CPQ: variants seen among roughly 807,000 people sequenced by gnomAD.
CPQ encodes the protein Ser-Met dipeptidase.
Under a neutral mutation model 45.7 loss-of-function variants are expected in CPQ, and 37 were observed. That is an observed-to-expected ratio of 0.81 (90% CI 0.62 to 1.07). The LOEUF is 1.07. Among genes scored for constraint, CPQ ranks in the 50% least tolerant of loss-of-function variants. The pLI is 0.00. For synonymous variants in CPQ, 186 were observed against 205.8 expected, an observed-to-expected ratio of 0.90 and a Z score of 0.82; for missense variants, 537 against 572.9, an observed-to-expected ratio of 0.94 and a Z score of 0.64.
chr8:96,813,485 T>C (rs904844960), intron 2 of CPQ, among the ~76,000 whole-genome samples: 4 of 152,176 alleles, frequency 2.6e-5, no homozygotes, highest in Admixed American at 6.6e-5. Flanking sequence ...ACTTTACTTA[T>C]AGATCAGAAC....
intron 7 of CPQ, among the ~76,000 whole-genome samples, chr8:97,138,029 C>T (rs1006980492): frequency 5.9e-5 from 9 of 152,208 alleles, no homozygotes; most frequent in African/African-American, 1.2e-4. Context: ...TACTCACCTT[C>T]GTAGTTGTTC....
intron 3 of CPQ, among the ~76,000 whole-genome samples, chr8:96,874,953 T>C (rs1812125946): frequency 1.3e-5 from 2 of 151,900 alleles, no homozygotes; most frequent in African/African-American, 4.8e-5. Context: ...TCACATGCAA[T>C]GTACAAGGAT....
intron 4 of CPQ, among the ~76,000 whole-genome samples, chr8:96,939,244 A>G (rs757775429): frequency 3.9e-5 from 6 of 152,212 alleles, no homozygotes; most frequent in Non-Finnish European, 8.8e-5. Context: ...CCTAAGGAGC[A>G]TGCATGTGCA....
At chr8:97,112,850 T>A (rs1227781023) in intron 7 of CPQ, among the ~76,000 whole-genome samples, 1 of 152,164 alleles carries the variant, frequency 6.6e-6, no homozygotes, top group Non-Finnish European at 1.5e-5. Context: ...GGGGCTCTGG[T>A]TTCAGGCTTG....
rs551441429 is a variant in CPQ at position 97,003,784 on chromosome 8, G to A, written c.962-25619G>A. Among the ~76,000 whole-genome samples the A allele has an allele frequency of 5.8e-4, 89 of 152,244 alleles. 1 individual carries two copies. In the South Asian group the frequency reaches 0.018, roughly 30 times the overall value. On this transcript the variant is annotated intron_variant, in intron 5 of 7. Transcript: ENST00000220763. ...CAAGGAAGGGGGGATAATTATCATT[G>A]CTTGTGGTAGGTGAGGCAGGATGGT...
chr8:97,003,114 A>C (rs1282557010), intron 5 of CPQ, among the ~76,000 whole-genome samples: 1 of 151,874 alleles, frequency 6.6e-6, no homozygotes, highest in Non-Finnish European at 1.5e-5. Context: ...TATTTGGTAG[A>C]TTTTCCTCCA....
chr8:96,858,640 TC>T (rs1563514698), intron 3 of CPQ, among the ~76,000 whole-genome samples: 2 of 152,166 alleles, frequency 1.3e-5, no homozygotes, highest in Admixed American at 6.5e-5. Context: ...CTCACTAATT[TC>T]CCACATATTG....
At chr8:97,072,872 A>G (rs756813089) in intron 7 of CPQ, among the ~76,000 whole-genome samples, 1 of 152,148 alleles carries the variant, frequency 6.6e-6, no homozygotes, top group Non-Finnish European at 1.5e-5. Flanking sequence ...ATTGTGATCA[A>G]TTGTGAATTC....
chr8:96,855,080 G>C (rs936960036), intron 3 of CPQ, among the ~76,000 whole-genome samples: 1 of 152,126 alleles, frequency 6.6e-6, no homozygotes. Flanking sequence ...CTCTTCCTTG[G>C]GGAGGGTCAG....
intron 4 of CPQ, among the ~76,000 whole-genome samples, chr8:96,887,411 TGGGC>T (rs1218518788): frequency 2.0e-5 from 3 of 152,182 alleles, no homozygotes; most frequent in Non-Finnish European, 2.9e-5. Flanking sequence ...GGCTGTCTTG[TGGGC>T]ATCTCTGTGT....
At chr8:96,826,450 C>T (rs1265447841) in intron 2 of CPQ, among the ~76,000 whole-genome samples, 1 of 151,872 alleles carries the variant, frequency 6.6e-6, no homozygotes, top group Non-Finnish European at 1.5e-5. Context: ...TTCACAAAAA[C>T]CAAGCTTTAA....
chr8:96,713,679 T>G (rs566863128), intron 1 of CPQ, among the ~76,000 whole-genome samples: 3 of 152,152 alleles, frequency 2.0e-5, no homozygotes, highest in Non-Finnish European at 4.4e-5. Flanking sequence ...ATGGGGATTA[T>G]GGGAACTACA....
chr8:96,754,229 G>T (rs966269663), intron 1 of CPQ, among the ~76,000 whole-genome samples: 12 of 152,012 alleles, frequency 7.9e-5, no homozygotes, highest in African/African-American at 2.9e-4. Flanking sequence ...TGGTTCCGTG[G>T]TCAAATACAC....
rs182138986 is a variant in CPQ, at chr8:96,772,067, G to A, written c.-34-12797G>A. On this transcript the variant is annotated intron_variant, in intron 1 of 7. Coordinates refer to ENST00000220763, the MANE Select transcript of CPQ (RefSeq NM_016134.4). Reference sequence around the variant, plus strand: ...GTAGGGTATATCTTGAATGCTGTGGGGTTTGAACAAAGGAGGAAAAAATGA... The same window carrying A: ...GTAGGGTATATCTTGAATGCTGTGGAGTTTGAACAAAGGAGGAAAAAATGA... 2.6e-5 allele frequency among the ~76,000 whole-genome samples: 4 copies of A among 152,174 alleles called. No homozygotes were observed. In the East Asian group the frequency reaches 7.7e-4, roughly 29 times the overall value.
intron 4 of CPQ, among the ~76,000 whole-genome samples, chr8:96,917,371 C>T (rs1268326453): frequency 6.6e-6 from 1 of 152,088 alleles, no homozygotes; most frequent in Non-Finnish European, 1.5e-5. Context: ...ATTGTTACAG[C>T]CTTGGCCATG....
intron 3 of CPQ, among the ~76,000 whole-genome samples, chr8:96,858,379 C>G (rs1270337777): frequency 6.6e-6 from 1 of 152,166 alleles, no homozygotes; most frequent in Non-Finnish European, 1.5e-5. Context: ...AATCTTCTAC[C>G]TACTTTGAGT....
intron 7 of CPQ, among the ~76,000 whole-genome samples, chr8:97,098,339 T>C (rs901831279): frequency 2.6e-5 from 4 of 152,156 alleles, no homozygotes; most frequent in African/African-American, 9.7e-5. Flanking sequence ...TGGGGTCCTC[T>C]ACTACTGTGG....
chr8:97,073,403 G>A (rs911436223), intron 7 of CPQ, among the ~76,000 whole-genome samples: 1 of 152,178 alleles, frequency 6.6e-6, no homozygotes, highest in Non-Finnish European at 1.5e-5. Context: ...ATGGAATAGC[G>A]CAGCCCAGCG....
At chr8:97,130,465 G>A (rs1324225964) in intron 7 of CPQ, among the ~76,000 whole-genome samples, 2 of 135,224 alleles carry the variant, frequency 1.5e-5, no homozygotes, top group Non-Finnish European at 3.1e-5. Flanking sequence ...GTAAATTGCA[G>A]TTTATCTCAC....
Sources: gnomAD v4.1 joint callset for allele counts (sites outside exome capture counted in the v4.1 genomes callset) on GRCh38, gnomAD v4.1.1 for gene constraint, MANE v1.5 for transcripts, NCBI Gene and HGNC (gene_info 2026-07-23, HGNC 2026-07-21) for gene names.